ADGRG2: variants seen among roughly 807,000 people sequenced by gnomAD.
ADGRG2 encodes G protein-coupled receptor 64.
In ADGRG2, 26 loss-of-function variants were observed where a neutral mutation model predicts 74.1. That is an observed-to-expected ratio of 0.35 (90% confidence interval 0.26 to 0.49). The LOEUF (loss-of-function observed/expected upper bound fraction) is 0.49. Ranked by LOEUF, ADGRG2 falls within the 20% of genes least tolerant of loss-of-function variation. The probability of loss-of-function intolerance (pLI) is 0.99; values close to 1 mark genes in which losing one functional copy is unlikely to be tolerated. For missense variants in ADGRG2, 619 were observed against 763.1 expected (o/e 0.81, Z 2.22); for synonymous variants, 296 against 295.2 (o/e 1.00, Z -0.03).
At position 18,991,084 on chromosome X, in the gene ADGRG2, A is replaced by G. The variant is rs757024636; in HGVS notation, c.2870-36T>C. On this transcript the variant is annotated intron_variant, in intron 28 of 28. Coordinates refer to ENST00000379869, the MANE Select transcript of ADGRG2 (RefSeq NM_001079858.3). ...AAACACAAAGCGGGTGGCATGAAGT[A>G]TCCACAGAAAGCATTAAAAAGCAAA... 1.1e-5 allele frequency: 10 copies of G among 873,732 alleles called. No individual in the cohort carries two copies. In the South Asian group the frequency reaches 2.2e-4, roughly 19 times the overall value. The allele number at this position is 873,732 out of a possible 1,213,427, so 72.0% of individuals were successfully genotyped here.
At chrX:19,045,005 TA>T (rs1006050295) in intron 3 of ADGRG2, among the ~76,000 whole-genome samples, 1 of 111,504 alleles carries the variant, frequency 9.0e-6, no homozygotes, top group African/African-American at 3.3e-5. Flanking sequence ...CATGAGTTCT[TA>T]AAAGTGGAAG....
At chrX:19,069,643 G>C (rs1191797776) in intron 2 of ADGRG2, among the ~76,000 whole-genome samples, 6 of 111,360 alleles carry the variant, frequency 5.4e-5, no homozygotes, top group African/African-American at 2.0e-4. Context: ...GAGAAGAGAA[G>C]TAGCCGGACC....
At chrX:19,058,604 G>A (rs2061438735) in intron 3 of ADGRG2, among the ~76,000 whole-genome samples, 1 of 111,794 alleles carries the variant, frequency 8.9e-6, no homozygotes, top group Admixed American at 9.6e-5. Context: ...ACTCTATGCT[G>A]TACTAAATAC....
chrX:19,076,912 T>C, intron 2 of ADGRG2, among the ~76,000 whole-genome samples: 1 of 112,171 alleles, frequency 8.9e-6, no homozygotes. Flanking sequence ...AGTAAGGAGA[T>C]GACAAAATGA....
intron 27 of ADGRG2, among the ~76,000 whole-genome samples, chrX:18,995,456 C>A (rs911988444): frequency 1.2e-4 from 13 of 111,104 alleles, no homozygotes; most frequent in Non-Finnish European, 2.5e-4. Context: ...ACTCCCGTGT[C>A]GCCCAGATAC....
intron 1 of ADGRG2, among the ~76,000 whole-genome samples, chrX:19,096,936 T>A (rs2062106075): frequency 8.9e-6 from 1 of 112,614 alleles, no homozygotes; most frequent in Non-Finnish European, 1.9e-5. Context: ...GTGCCATCGT[T>A]AACTGCTTCC....
intron 1 of ADGRG2, among the ~76,000 whole-genome samples, chrX:19,103,443 G>C (rs2062224360): frequency 8.9e-6 from 1 of 111,782 alleles, no homozygotes. Flanking sequence ...AGCAGCCCAT[G>C]CCACTGCTCT....
Position 19,037,580 on chromosome X carries a change from A to G in ADGRG2, c.202+9T>C. 1 of 1,169,790 alleles carries G rather than the reference A, an allele frequency of 8.5e-7. No individual in the cohort carries two copies. Among genetic ancestry groups the G allele is most frequent in the Non-Finnish European group, 1.2e-6 (1 of 866,991 alleles). On this transcript the variant is annotated intron_variant, in intron 5 of 28. Coordinates refer to ENST00000379869, the MANE Select transcript of ADGRG2 (RefSeq NM_001079858.3). ...CTAAATCTAGGTTTAAATTTTTTCA[A>G]AATCTTGCCTGGAGTACCATTGGAG... is the stretch of plus-strand genomic sequence containing the variant.
intron 11 of ADGRG2, among the ~76,000 whole-genome samples, chrX:19,026,549 G>A (rs377162205): frequency 1.1e-4 from 12 of 107,577 alleles, no homozygotes; most frequent in South Asian, 8.4e-4. Flanking sequence ...AGGCTGGAGT[G>A]CAATGGTGCA....
At chrX:19,089,618 G>A (rs1200708657) in intron 1 of ADGRG2, among the ~76,000 whole-genome samples, 1 of 111,466 alleles carries the variant, frequency 9.0e-6, no homozygotes, top group African/African-American at 3.3e-5. Flanking sequence ...AAAAGTGCTT[G>A]AGCATGGAAT....
intron 3 of ADGRG2, among the ~76,000 whole-genome samples, chrX:19,064,218 G>T (rs1199928267): frequency 1.8e-5 from 2 of 112,071 alleles, no homozygotes; most frequent in African/African-American, 6.5e-5. Context: ...GGGCCAAGGG[G>T]GTATAGGCAG....
intron 2 of ADGRG2, among the ~76,000 whole-genome samples, chrX:19,080,441 C>T (rs1040401837): frequency 5.4e-5 from 6 of 110,913 alleles, no homozygotes; most frequent in Admixed American, 3.9e-4. Context: ...CATGGTAGAG[C>T]CATCTGTCTG....
At chrX:19,042,581 AGG>A (rs1222914537) in intron 3 of ADGRG2, among the ~76,000 whole-genome samples, 3 of 111,750 alleles carry the variant, frequency 2.7e-5, no homozygotes, top group Non-Finnish European at 3.8e-5. Context: ...GGACAAGTCA[AGG>A]GTAAGAGAAG....
intron 3 of ADGRG2, among the ~76,000 whole-genome samples, chrX:19,054,341 G>T (rs768666979): frequency 3.1e-4 from 35 of 111,851 alleles, no homozygotes; most frequent in African/African-American, 1.1e-3. Context: ...GAATGTAGAA[G>T]ACACAGTTAA....
At chrX:19,055,396 T>C (rs1436955502) in intron 3 of ADGRG2, among the ~76,000 whole-genome samples, 1 of 112,552 alleles carries the variant, frequency 8.9e-6, no homozygotes, top group Non-Finnish European at 1.9e-5. Context: ...GGTCTATAAC[T>C]GTGCTGTCCA....
chrX:19,027,176 T>C (rs2060722742), intron 11 of ADGRG2, 43 bp downstream of exon 11: 2 of 856,516 alleles, frequency 2.3e-6, no homozygotes, highest in Non-Finnish European at 3.5e-6. Context: ...TATCCTTCCA[T>C]AGTTGATGTC....
chrX:19,050,660 G>A (rs1183540787), intron 3 of ADGRG2, among the ~76,000 whole-genome samples: 1 of 111,690 alleles, frequency 9.0e-6, no homozygotes, highest in Admixed American at 9.5e-5. Flanking sequence ...GGCTTAGGTA[G>A]GAGGATCACT....
At chrX:19,075,135 T>C (rs2061723382) in intron 2 of ADGRG2, among the ~76,000 whole-genome samples, 1 of 109,465 alleles carries the variant, frequency 9.1e-6, no homozygotes, top group Non-Finnish European at 1.9e-5. Context: ...TGATAATGAC[T>C]AAGTGTCTCC....
intron 1 of ADGRG2, among the ~76,000 whole-genome samples, chrX:19,117,367 G>C (rs771509097): frequency 1.2e-3 from 135 of 109,941 alleles, no homozygotes; most frequent in South Asian, 2.0e-3. Flanking sequence ...TGAATGGTGG[G>C]CAAAAAAAGT....
Sources: gnomAD v4.1 joint callset for allele counts (sites outside exome capture counted in the v4.1 genomes callset) on GRCh38, gnomAD v4.1.1 for gene constraint, MANE v1.5 for transcripts, NCBI Gene and HGNC (gene_info 2026-07-23, HGNC 2026-07-21) for gene names.